The following CLEC2L variants were observed in gnomAD, a reference collection of about 807,000 sequenced individuals.
CLEC2L encodes the protein C-type lectin domain family 2, member L.
CLEC2L carries 14 observed loss-of-function variants against 23.6 expected under a neutral mutation model. The ratio of observed to expected loss-of-function variants is 0.59; its 90% CI spans 0.39 to 0.93. The LOEUF (loss-of-function observed/expected upper bound fraction) is 0.93. Among genes scored for constraint, CLEC2L ranks in the 40% least tolerant of loss-of-function variants. CLEC2L has a pLI of 0.00. For synonymous variants in CLEC2L, 114 were observed against 121.3 expected (o/e 0.94, Z 0.40); for missense variants, 264 against 282.4 (o/e 0.93, Z 0.47).
At position 139,523,710 on chromosome 7, in the gene CLEC2L, G is replaced by T. The variant is rs1585194673; in HGVS notation, c.-218G>T. ...AGCCCGGCTGTGCGTGGAGGCTGCG[G>T]CTCGGCGGGGCAGGCGCTGAGCGCA... On this transcript the variant is annotated 5_prime_UTR_variant, in exon 1 of 5. Coordinates refer to ENST00000422142, the MANE Select transcript of CLEC2L (RefSeq NM_001080511.4). This position sits in a 1 kb window ranked among gnomAD's most constrained non-coding sequence, Gnocchi z 4.1. The T allele has an allele frequency of 5.6e-6, 1 of 177,902 alleles. No individual in the cohort carries two copies. The highest frequency in any genetic ancestry group is 1.1e-5 in the Non-Finnish European group (1 of 92,364). The allele number at this position is 177,902 out of a possible 1,614,324, so 11.0% of individuals were successfully genotyped here.
chr7:139,541,467 CAATT>C (rs1797735258), intron 3 of CLEC2L, among the ~76,000 whole-genome samples: 1 of 152,306 alleles, frequency 6.6e-6, no homozygotes, highest in African/African-American at 2.4e-5. Flanking sequence ...GAAAGAAACA[CAATT>C]AATGGAGTCT....
chr7:139,538,430 C>CA (rs34520005), intron 2 of CLEC2L, among the ~76,000 whole-genome samples: 3,009 of 97,812 alleles, frequency 0.031, 37 homozygotes, highest in Admixed American at 0.038. Flanking sequence ...GACTCTGTCT[C>CA]AAAAAAAAAA....
At position 139,539,438 on chromosome 7, in the gene CLEC2L, G is replaced by A. The variant is rs1021595279; in HGVS notation, c.266-883G>A. On this transcript the variant is annotated intron_variant, in intron 2 of 4. Coordinates refer to ENST00000422142, the MANE Select transcript of CLEC2L (RefSeq NM_001080511.4). The surrounding 1 kb of genome is among the most constrained non-coding windows in gnomAD (Gnocchi z 4.1). ...TCCTTTTGGCAAGGAGGCCCTTTGA[G>A]AAGCTCCGGGCTTCCTTCCCAGAAA... 6.6e-6 allele frequency: 1 copy of A among 152,152 alleles called. No individual in the cohort carries two copies. The highest frequency in any genetic ancestry group is 1.5e-5 in the Non-Finnish European group (1 of 68,036). The allele number at this position is 152,152 out of a possible 1,614,324, so 9.4% of individuals were successfully genotyped here. A position where few individuals can be genotyped will look rare whatever the true frequency, so the allele number is the denominator to read the frequency against.
chr7:139,531,082 G>GC (rs1797575910), intron 1 of CLEC2L, among the ~76,000 whole-genome samples: 2 of 152,138 alleles, frequency 1.3e-5, no homozygotes, highest in Non-Finnish European at 2.9e-5. Flanking sequence ...CAGTTAATAA[G>GC]CCCCTATCTA....
rs955597447 is a variant in CLEC2L at position 139,540,631 on chromosome 7, G to T, written c.432+144G>T. The T allele has an allele frequency of 5.5e-6, 5 of 915,042 alleles. No homozygotes were observed. The highest frequency in any genetic ancestry group is 8.5e-6 in the Non-Finnish European group (5 of 591,612). The allele number at this position is 915,042 out of a possible 1,614,324, so 56.7% of individuals were successfully genotyped here. A position where few individuals can be genotyped will look rare whatever the true frequency, so the allele number is the denominator to read the frequency against. On this transcript the variant is annotated intron_variant, in intron 3 of 4. Coordinates refer to ENST00000422142, the MANE Select transcript of CLEC2L (RefSeq NM_001080511.4). The surrounding 1 kb of genome is among the most constrained non-coding windows in gnomAD (Gnocchi z 5.8). Reference sequence around the variant, plus strand: ...CGCCCACCTGCTGCATAACCACTTGGGGTGCAGGCAGACCTCACAGTCTGA... The same window carrying T: ...CGCCCACCTGCTGCATAACCACTTGTGGTGCAGGCAGACCTCACAGTCTGA...
chr7:139,531,531 C>G (rs750271009), intron 1 of CLEC2L, among the ~76,000 whole-genome samples: 2 of 152,138 alleles, frequency 1.3e-5, no homozygotes, highest in Admixed American at 6.5e-5. Flanking sequence ...GAGGACCAAT[C>G]TAAGAGATCC....
At chr7:139,534,229 G>A (rs1451294168) in intron 1 of CLEC2L, 3 of 936,718 alleles carry the variant, frequency 3.2e-6, no homozygotes, top group Non-Finnish European at 3.5e-6. Context: ...CTGTAGCAAA[G>A]AGTTTGGCGC....
chr7:139,544,300 G>C lies in CLEC2L; in HGVS notation c.603G>C (p.Leu201=), dbSNP rs374282277. ...EPTRLVSTEC[L]MTRPWVCSKM... is the part of the protein sequence containing the mutation. ...CCAGGCTGGTGTCGACGGAGTGTCT[G>C]ATGACCCGGCCCTGGGTGTGCAGCA... Residue 201 remains leucine, a synonymous_variant, in exon 5 of 5, where the codon CTG becomes CTC. Coordinates refer to ENST00000422142, the MANE Select transcript of CLEC2L (RefSeq NM_001080511.4). The C allele has an allele frequency of 5.0e-6, 8 of 1,613,368 alleles. No homozygotes were observed. The highest frequency in any genetic ancestry group is 3.3e-5 in the South Asian group (3 of 90,916).
At chr7:139,524,223 G>T in intron 1 of CLEC2L, 106 bp downstream of exon 1, 2 of 1,041,942 alleles carry the variant, frequency 1.9e-6, no homozygotes, top group Non-Finnish European at 2.3e-6. Flanking sequence ...CCGGAGGGGA[G>T]CGCTGGGAGC....
chr7:139,542,222 C>G (rs1797746172), intron 4 of CLEC2L, 101 bp downstream of exon 4: 3 of 762,890 alleles, frequency 3.9e-6, no homozygotes, highest in Non-Finnish European at 6.4e-6. Context: ...TTGTTTTGTG[C>G]TAGCTAGAGA....
Position 139,540,440 on chromosome 7 carries a change from C to A in CLEC2L, c.385C>A (p.His129Asn). The change falls in exon 3 of 5, where the codon CAC becomes AAC. Residue 129 changes from histidine (H) to asparagine (N), a missense_variant. Coordinates refer to ENST00000422142, the MANE Select transcript of CLEC2L (RefSeq NM_001080511.4). This position sits in a 1 kb window ranked among gnomAD's most constrained non-coding sequence, Gnocchi z 5.8. ...RDWNTGRQYC[H>N]THEAVLAVIQ... ...CTGGAACACAGGCAGGCAGTACTGC[C>A]ACACCCACGAGGCGGTGCTGGCTGT... 6.2e-7 allele frequency: 1 copy of A among 1,604,368 alleles called. No homozygotes were observed. Among genetic ancestry groups the A allele is most frequent in the Admixed American group, 1.7e-5 (1 of 58,684 alleles).
chr7:139,536,976 CAAAAAAA>C (rs1159255018), intron 2 of CLEC2L, among the ~76,000 whole-genome samples: 2 of 37,308 alleles, frequency 5.4e-5, no homozygotes, highest in Non-Finnish European at 1.2e-4. Flanking sequence ...GACTCCATCT[CAAAAAAA>C]AAAAAAAAAA....
At chr7:139,535,806 C>T (rs906244026) in intron 1 of CLEC2L, among the ~76,000 whole-genome samples, 3 of 152,064 alleles carry the variant, frequency 2.0e-5, no homozygotes, top group African/African-American at 4.8e-5. Flanking sequence ...TTTGAGGAAC[C>T]CATGCGGCTG....
chr7:139,526,187 G>A (rs996713820), intron 1 of CLEC2L, among the ~76,000 whole-genome samples: 13 of 152,130 alleles, frequency 8.5e-5, no homozygotes, highest in African/African-American at 1.2e-4. Flanking sequence ...GTCTTCTTGG[G>A]TGCCCCCAAG....
At chr7:139,537,784 G>C (rs1262134795) in intron 2 of CLEC2L, among the ~76,000 whole-genome samples, 1 of 152,158 alleles carries the variant, frequency 6.6e-6, no homozygotes, top group Admixed American at 6.5e-5. Flanking sequence ...GCATATTCTG[G>C]ACCCCATCAA....
chr7:139,534,659 G>A (rs1038548622), intron 1 of CLEC2L: 1 of 561,360 alleles, frequency 1.8e-6, no homozygotes. Flanking sequence ...TTTCCACTTT[G>A]TTATACTCTA....
At chr7:139,534,572 A>AG (rs1192723040) in intron 1 of CLEC2L, 2 of 715,004 alleles carry the variant, frequency 2.8e-6, no homozygotes, top group Non-Finnish European at 5.2e-6. Context: ...TGGAAGCATT[A>AG]GGGGGGTTGG....
rs532939957 is a variant in CLEC2L, at chr7:139,544,578, T to C, written c.*236T>C. 1.3e-5 allele frequency: 7 copies of C among 557,950 alleles called. No homozygotes were observed. In the East Asian group the frequency reaches 2.1e-4, roughly 17 times the overall value. 34.6% of individuals were successfully genotyped at this position (557,950 alleles called of 1,614,324 possible). On this transcript the variant is annotated 3_prime_UTR_variant, in exon 5 of 5. Coordinates refer to ENST00000422142, the MANE Select transcript of CLEC2L (RefSeq NM_001080511.4). Reference sequence around the variant, plus strand: ...GTTAAATCCCATATGCTAGGTAGTGTAGGCATCTGCCCACCTACACACACA... The same window carrying C: ...GTTAAATCCCATATGCTAGGTAGTGCAGGCATCTGCCCACCTACACACACA...
chr7:139,524,944 GC>G (rs1175947820), intron 1 of CLEC2L, among the ~76,000 whole-genome samples: 13 of 152,128 alleles, frequency 8.5e-5, no homozygotes, highest in African/African-American at 2.9e-4. Flanking sequence ...GAAAAGGAGG[GC>G]TTCCCAGGAG....
Sources: gnomAD v4.1 joint callset for allele counts (sites outside exome capture counted in the v4.1 genomes callset) on GRCh38, gnomAD v4.1.1 for gene constraint, Gnocchi (gnomAD v3.1) non-coding constraint, MANE v1.5 for transcripts, NCBI Gene and HGNC (gene_info 2026-07-23, HGNC 2026-07-21) for gene names.